FUT9: variants seen among roughly 807,000 people sequenced by gnomAD.
FUT9 encodes the protein fucosyltransferase 9, also known as 4-galactosyl-N-acetylglucosaminide 3-alpha-L-fucosyltransferase 9.
Under a neutral mutation model 29.7 loss-of-function variants are expected in FUT9, and 15 were observed. The ratio of observed to expected loss-of-function variants is 0.51; its 90% CI spans 0.34 to 0.78. The LOEUF (loss-of-function observed/expected upper bound fraction) is 0.78. FUT9 is among the 30% of genes least tolerant of loss of function. The probability of loss-of-function intolerance (pLI) is 0.01; values close to 1 mark genes in which losing one functional copy is unlikely to be tolerated. For synonymous variants in FUT9, 169 were observed against 153.7 expected (o/e 1.10, Z -0.74); for missense variants, 319 against 425.4 (o/e 0.75, Z 2.20).
In FUT9 at chr6:96,212,077, G is replaced by A. The variant is rs1339880840; in HGVS notation, c.*7842G>A. On this transcript the variant is annotated 3_prime_UTR_variant, in exon 3 of 3. Coordinates refer to ENST00000302103, the MANE Select transcript of FUT9 (RefSeq NM_006581.4). The stretch of plus-strand genomic sequence containing the variant: ...GGCTGCATTCCATTTTGATTAATGA[G>A]GGTTCAGGAAATAGAAAGGCAGTCT... The A allele has an allele frequency of 7.3e-6, 3 of 412,336 alleles. No homozygotes were observed. Among genetic ancestry groups the A allele is most frequent in the Non-Finnish European group, 1.3e-5 (3 of 225,408 alleles). 25.5% of individuals were successfully genotyped at this position (412,336 alleles called of 1,614,324 possible).
intron 1 of FUT9, among the ~76,000 whole-genome samples, chr6:96,052,346 C>T (rs898037234): frequency 2.6e-5 from 4 of 152,110 alleles, no homozygotes; most frequent in African/African-American, 9.7e-5. Context: ...GAAAGTGTTA[C>T]TAAAAAGAAC....
intron 1 of FUT9, among the ~76,000 whole-genome samples, chr6:96,047,041 A>G (rs771593748): frequency 9.2e-5 from 14 of 152,162 alleles, no homozygotes; most frequent in Non-Finnish European, 1.6e-4. Context: ...GGCAAATCCA[A>G]GCTCTATTTG....
At chr6:96,143,534 T>C (rs1475602544) in intron 2 of FUT9, among the ~76,000 whole-genome samples, 2 of 151,962 alleles carry the variant, frequency 1.3e-5, no homozygotes, top group African/African-American at 2.4e-5. Context: ...TCTTTCTCTC[T>C]CTCCTTTCCT....
Position 96,068,168 on chromosome 6 carries a change from G to A in FUT9, c.-97-45871G>A, listed in dbSNP as rs186774663. 1.8e-3 allele frequency among the ~76,000 whole-genome samples: 270 copies of A among 152,148 alleles called. 1 individual carries two copies. Among genetic ancestry groups the A allele is most frequent in the African/African-American group, 5.8e-3 (239 of 41,520 alleles). ...TTTGAAATGCAGTTCTGGAAAGAGG[G>A]GACAGCTAGTGTATATATTTGGAAA... On this transcript the variant is annotated intron_variant, in intron 1 of 2. Coordinates refer to ENST00000302103, the MANE Select transcript of FUT9 (RefSeq NM_006581.4).
chr6:96,162,559 T>C (rs1244055022), intron 2 of FUT9, among the ~76,000 whole-genome samples: 1 of 152,214 alleles, frequency 6.6e-6, no homozygotes, highest in Non-Finnish European at 1.5e-5. Flanking sequence ...AATTTTTTGT[T>C]GAAAGCCAGA....
At chr6:96,134,921 C>T (rs1165672975) in intron 2 of FUT9, among the ~76,000 whole-genome samples, 1 of 151,786 alleles carries the variant, frequency 6.6e-6, no homozygotes, top group Non-Finnish European at 1.5e-5. Context: ...CTTTGCAGGA[C>T]CAACTTCAAT....
At chr6:96,139,982 CA>C (rs1193120716) in intron 2 of FUT9, among the ~76,000 whole-genome samples, 4 of 152,172 alleles carry the variant, frequency 2.6e-5, no homozygotes, top group Non-Finnish European at 5.9e-5. Context: ...TTTCTACCCC[CA>C]AAATGGGGTT....
intron 1 of FUT9, among the ~76,000 whole-genome samples, chr6:96,044,260 T>C (rs1770520027): frequency 6.6e-6 from 1 of 152,228 alleles, no homozygotes; most frequent in Admixed American, 6.5e-5. Context: ...AAAGATAGCA[T>C]GACCTAAATA....
At chr6:96,022,893 G>A (rs1483792245) in intron 1 of FUT9, among the ~76,000 whole-genome samples, 2 of 151,822 alleles carry the variant, frequency 1.3e-5, no homozygotes, top group Non-Finnish European at 2.9e-5. Context: ...ATGTTAAGGA[G>A]GTGATCTGTC....
intron 2 of FUT9, among the ~76,000 whole-genome samples, chr6:96,143,731 G>T (rs181630557): frequency 6.6e-6 from 1 of 152,074 alleles, no homozygotes; most frequent in Non-Finnish European, 1.5e-5. Flanking sequence ...ATATAAAATC[G>T]TTGGGTGGAT....
chr6:96,136,790 T>C (rs1053278330), intron 2 of FUT9, among the ~76,000 whole-genome samples: 6 of 151,856 alleles, frequency 4.0e-5, no homozygotes, highest in African/African-American at 9.7e-5. Flanking sequence ...TTTAAAACAA[T>C]AGCAGAAAAA....
chr6:96,034,076 G>A (rs919996187), intron 1 of FUT9, among the ~76,000 whole-genome samples: 4 of 151,506 alleles, frequency 2.6e-5, no homozygotes, highest in Non-Finnish European at 5.9e-5. Flanking sequence ...TGGATAAGCA[G>A]GGTCAAACTG....
intron 1 of FUT9, among the ~76,000 whole-genome samples, chr6:96,058,468 C>CAAAAAAAAAAAAAAA (rs3079049): frequency 3.9e-5 from 3 of 77,170 alleles, no homozygotes; most frequent in African/African-American, 1.2e-4. Flanking sequence ...GGCTTTATTC[C>CAAAAAAAAAAAAAAA]AAAAAAAAAA....
At chr6:96,023,244 T>C (rs1444584772) in intron 1 of FUT9, among the ~76,000 whole-genome samples, 1 of 151,978 alleles carries the variant, frequency 6.6e-6, no homozygotes, top group Non-Finnish European at 1.5e-5. Context: ...ACCAGAAGGA[T>C]TAAACATTGT....
At chr6:96,045,167 C>T (rs1403981704) in intron 1 of FUT9, among the ~76,000 whole-genome samples, 1 of 152,040 alleles carries the variant, frequency 6.6e-6, no homozygotes, top group African/African-American at 2.4e-5. Context: ...ACTGAGGGGG[C>T]AAACCAAGAG....
intron 2 of FUT9, among the ~76,000 whole-genome samples, chr6:96,126,923 A>G (rs955064049): frequency 1.3e-5 from 2 of 152,206 alleles, no homozygotes; most frequent in Non-Finnish European, 2.9e-5. Context: ...ATTTCAATCT[A>G]AGTGTCAAGG....
chr6:96,118,204 CAAAAA>C (rs71012538), intron 2 of FUT9, among the ~76,000 whole-genome samples: 4,988 of 136,772 alleles, frequency 0.036, 98 homozygotes, highest in East Asian at 0.084. Flanking sequence ...GAGTCTGTCT[CAAAAA>C]AAAAAAAAAA....
At chr6:96,194,456 TC>T (rs1773582331) in intron 2 of FUT9, among the ~76,000 whole-genome samples, 1 of 152,094 alleles carries the variant, frequency 6.6e-6, no homozygotes, top group Non-Finnish European at 1.5e-5. Context: ...GAAAGAAATG[TC>T]CGTCTTCCAT....
rs920764130 is a variant in FUT9, at chr6:96,111,580, C to G, written c.-97-2459C>G. Among the ~76,000 whole-genome samples the G allele has an allele frequency of 1.3e-4, 14 of 110,340 alleles. No individual in the cohort carries two copies. The East Asian group carries it at 3.1e-3, about 24-fold the overall frequency. The allele number at this position is 110,340 out of a possible 152,430, so 72.4% of individuals were successfully genotyped here. Reference sequence around the variant, plus strand: ...ACACACACACACACACACACACACACACACAAATCTGAGTTACCAAATAGA... The same window carrying G: ...ACACACACACACACACACACACACAGACACAAATCTGAGTTACCAAATAGA... On this transcript the variant is annotated intron_variant, in intron 1 of 2. Coordinates refer to ENST00000302103, the MANE Select transcript of FUT9 (RefSeq NM_006581.4).
Sources: gnomAD v4.1 joint callset for allele counts (sites outside exome capture counted in the v4.1 genomes callset) on GRCh38, gnomAD v4.1.1 for gene constraint, MANE v1.5 for transcripts, NCBI Gene and HGNC (gene_info 2026-07-23, HGNC 2026-07-21) for gene names.